Variants in CUL1 observed in about 807,000 individuals in gnomAD.
CUL1 encodes the protein cullin 1.
CUL1 carries 24 observed loss-of-function variants against 118.0 expected under a neutral mutation model. The observed-to-expected ratio is 0.20, with a 90% CI of 0.15 to 0.29. The LOEUF (loss-of-function observed/expected upper bound fraction) is 0.29, where lower values mean the gene tolerates loss of function less well. Ranked by LOEUF, CUL1 falls within the 10% of genes least tolerant of loss-of-function variation. CUL1 has a pLI of 1.00. For missense variants in CUL1, 361 were observed against 933.8 expected (o/e 0.39, Z 7.99); for synonymous variants, 332 against 340.4 (o/e 0.98, Z 0.27).
At chr7:148,706,816 C>T (rs1797900626) in intron 1 of CUL1, among the ~76,000 whole-genome samples, 1 of 152,064 alleles carries the variant, frequency 6.6e-6, no homozygotes, top group African/African-American at 2.4e-5. Context: ...TAATGGAGCT[C>T]TGCCTTACTA....
chr7:148,794,783 T>C (rs1254373142), intron 17 of CUL1, among the ~76,000 whole-genome samples: 2 of 152,238 alleles, frequency 1.3e-5, no homozygotes, highest in East Asian at 1.9e-4. Context: ...TCTACTACTT[T>C]CAATTTATTC....
chr7:148,782,591 T>C (rs552376898), intron 9 of CUL1, among the ~76,000 whole-genome samples: 68 of 152,358 alleles, frequency 4.5e-4, no homozygotes, highest in African/African-American at 1.6e-3. Flanking sequence ...TTATATCTTA[T>C]TGAACTTAGC....
At chr7:148,785,195 G>C (rs1372437032) in intron 11 of CUL1, among the ~76,000 whole-genome samples, 1 of 151,968 alleles carries the variant, frequency 6.6e-6, no homozygotes, top group Non-Finnish European at 1.5e-5. Flanking sequence ...ATTTATTCCT[G>C]GTTTAATGTG....
Position 148,790,458 on chromosome 7 carries a change from A to T in CUL1, c.1806+17A>T, listed in dbSNP as rs748879976. ...ACTTTGCAGGTAAGATCACATTTTT[A>T]TCTTAAAATTTTTCTATTCTAAATG... On this transcript the variant is annotated intron_variant, in intron 16 of 21. Coordinates refer to ENST00000325222, the MANE Select transcript of CUL1 (RefSeq NM_003592.3). 1 of 1,603,172 alleles carries T rather than the reference A, an allele frequency of 6.2e-7. No homozygotes were observed. The highest frequency in any genetic ancestry group is 1.1e-5 in the South Asian group (1 of 89,706).
At position 148,754,132 on chromosome 7, in the gene CUL1, C is replaced by T; in HGVS notation, c.297C>T (p.Tyr99=). ...YKRLKEFLKN[Y]LTNLLKDGED... ...GACTTAAGGAATTTTTGAAGAATTA[C>T]TTGACAAATCTTCTTAAGGTAAGAT... The change falls in exon 3 of 22, where the codon TAC becomes TAT. Residue 99 remains tyrosine (Y), a synonymous_variant. Coordinates refer to ENST00000325222, the MANE Select transcript of CUL1 (RefSeq NM_003592.3). 1 of 1,603,216 alleles carries T rather than the reference C, an allele frequency of 6.2e-7. No homozygotes were observed. Among genetic ancestry groups the T allele is most frequent in the Non-Finnish European group, 8.5e-7 (1 of 1,173,452 alleles).
chr7:148,719,913 G>C (rs941752005), intron 1 of CUL1, among the ~76,000 whole-genome samples: 9 of 152,204 alleles, frequency 5.9e-5, no homozygotes, highest in African/African-American at 2.2e-4. Context: ...GGTGGAATGA[G>C]AAACTCCTAC....
chr7:148,732,549 A>G (rs1798798078), intron 2 of CUL1, among the ~76,000 whole-genome samples: 1 of 150,346 alleles, frequency 6.7e-6, no homozygotes. Flanking sequence ...CAAGTTACCC[A>G]GGCTGGTCTC....
At chr7:148,746,907 G>A (rs945748854) in intron 2 of CUL1, among the ~76,000 whole-genome samples, 5 of 152,142 alleles carry the variant, frequency 3.3e-5, no homozygotes, top group East Asian at 1.9e-4. Flanking sequence ...TAAAAGCTGC[G>A]TACTCTATCT....
Position 148,741,495 on chromosome 7 carries a change from G to A in CUL1, c.140+11233G>A, listed in dbSNP as rs113491288. 1.9e-3 allele frequency among the ~76,000 whole-genome samples: 290 copies of A among 152,330 alleles called. 2 individuals carry two copies. Among genetic ancestry groups the A allele is most frequent in the African/African-American group, 6.2e-3 (259 of 41,570 alleles). On this transcript the variant is annotated intron_variant, in intron 2 of 21. Transcript: ENST00000325222. ...CTTGCTGTAATTCAGGATGGAGTGC[G>A]TGGCGAGATCTCAGCTCACTGCAAC...
At chr7:148,783,733 A>G (rs1485146016) in intron 9 of CUL1, 50 bp from the exon 10 acceptor site, 3 of 1,600,810 alleles carry the variant, frequency 1.9e-6, no homozygotes, top group Non-Finnish European at 1.7e-6. Context: ...TTAATACACA[A>G]TTTAATCCCC....
chr7:148,708,597 C>T (rs1197212007), intron 1 of CUL1, among the ~76,000 whole-genome samples: 1 of 152,210 alleles, frequency 6.6e-6, no homozygotes, highest in Non-Finnish European at 1.5e-5. Flanking sequence ...ATAGAGTGGG[C>T]TCTGCTCTTT....
intron 17 of CUL1, among the ~76,000 whole-genome samples, chr7:148,796,032 A>G (rs568397572): frequency 2.0e-4 from 27 of 134,324 alleles, no homozygotes; most frequent in African/African-American, 7.7e-4. Flanking sequence ...GGCAAGAACA[A>G]GCATCCTTGT....
chr7:148,751,099 C>G (rs1382520505), intron 2 of CUL1, among the ~76,000 whole-genome samples: 2 of 152,146 alleles, frequency 1.3e-5, no homozygotes, highest in Non-Finnish European at 2.9e-5. Flanking sequence ...AACTCATGCA[C>G]TACAGGGTGC....
At chr7:148,759,740 G>A in intron 6 of CUL1, 102 bp downstream of exon 6, 1 of 540,970 alleles carries the variant, frequency 1.8e-6, no homozygotes, top group Non-Finnish European at 3.1e-6. Flanking sequence ...ATATTATAAA[G>A]GATATTGTTA....
upstream of CUL1, chr7:148,697,915 C>T (rs1010235730): frequency 2.6e-5 from 4 of 152,200 alleles, no homozygotes; most frequent in African/African-American, 7.2e-5. Context: ...GAAAACAATA[C>T]TATTTTATAT....
intron 2 of CUL1, among the ~76,000 whole-genome samples, chr7:148,732,583 G>T (rs753747892): frequency 6.6e-6 from 1 of 150,944 alleles, no homozygotes; most frequent in Non-Finnish European, 1.5e-5. Context: ...CAAGCATTCC[G>T]CCTGGCTTGG....
Position 148,792,750 on chromosome 7 carries a change from C to T in CUL1, c.1831C>T (p.Leu611=), listed in dbSNP as rs1173807296. 1 of 1,612,602 alleles carries T rather than the reference C, an allele frequency of 6.2e-7. No individual in the cohort carries two copies. Among genetic ancestry groups the T allele is most frequent in the Non-Finnish European group, 8.5e-7 (1 of 1,179,386 alleles). ...LQASTFQMAI[L]LQYNTEDAYT... ...GGCGTCGACATTCCAGATGGCTATC[C>T]TGCTTCAGTACAACACGGAAGATGC... is the stretch of plus-strand genomic sequence containing the variant. The change falls in exon 17 of 22, where the codon CTG becomes TTG. Residue 611 remains leucine (L), a synonymous_variant. Coordinates refer to ENST00000325222, the MANE Select transcript of CUL1 (RefSeq NM_003592.3).
intron 2 of CUL1, among the ~76,000 whole-genome samples, chr7:148,750,296 T>A (rs1008355677): frequency 2.3e-5 from 3 of 132,122 alleles, no homozygotes; most frequent in Non-Finnish European, 5.0e-5. Context: ...ACCTAGGACT[T>A]TTTTTTTTTT....
At chr7:148,784,712 CCTT>C (rs1276272571) in intron 11 of CUL1, among the ~76,000 whole-genome samples, 1 of 152,154 alleles carries the variant, frequency 6.6e-6, no homozygotes, top group Non-Finnish European at 1.5e-5. Context: ...AAGCTAATCT[CCTT>C]CTGGCTTTCT....
Sources: gnomAD v4.1 joint callset for allele counts (sites outside exome capture counted in the v4.1 genomes callset) on GRCh38, gnomAD v4.1.1 for gene constraint, MANE v1.5 for transcripts, NCBI Gene and HGNC (gene_info 2026-07-23, HGNC 2026-07-21) for gene names.